Variants in GABARAPL2 observed in about 807,000 individuals in gnomAD.
The protein encoded by GABARAPL2 is gamma-aminobutyric acid receptor-associated protein-like 2.
A neutral mutation model predicts 16.9 loss-of-function variants in GABARAPL2; 11 were observed. The observed-to-expected ratio is 0.65, with a 90% confidence interval of 0.41 to 1.08. The LOEUF is 1.08. Ranked by LOEUF, GABARAPL2 falls within the 50% of genes least tolerant of loss-of-function variation. The probability of loss-of-function intolerance (pLI) is 0.00; values close to 1 mark genes in which losing one functional copy is unlikely to be tolerated. For synonymous variants in GABARAPL2, 57 were observed against 50.7 expected, an observed-to-expected ratio of 1.12 and a Z score of -0.53; for missense variants, 134 against 142.5, an observed-to-expected ratio of 0.94 and a Z score of 0.30.
At position 75,567,013 on chromosome 16, in the gene GABARAPL2, G is replaced by C. The variant is rs538606117; in HGVS notation, c.90+106G>C. 48 of 994,278 alleles carry C rather than the reference G, an allele frequency of 4.8e-5. 2 individuals are homozygous for C. In the South Asian group the frequency reaches 5.1e-4, roughly 11 times the overall value. The allele number at this position is 994,278 out of a possible 1,614,324, so 61.6% of individuals were successfully genotyped here. On this transcript the variant is annotated intron_variant, in intron 2 of 3. Coordinates refer to ENST00000037243, the MANE Select transcript of GABARAPL2 (RefSeq NM_007285.7). The stretch of plus-strand genomic sequence containing the variant: ...TTGACAAGTTGAGGTTCCAGTCCCA[G>C]TTACAGTAGCTGACGGGCCAGACCG...
chr16:75,566,424 T>G lies in GABARAPL2; in HGVS notation c.-63T>G. On this transcript the variant is annotated 5_prime_UTR_variant, in exon 1 of 4. Coordinates refer to ENST00000037243, the MANE Select transcript of GABARAPL2 (RefSeq NM_007285.7). ...CTGCCGCTGCCGCCGTCGTTGTTGT[T>G]GTGCTCGGTGCGCTGAGCTCCGCGG... 1.6e-6 allele frequency: 2 copies of G among 1,282,686 alleles called. No homozygotes were observed. The highest frequency in any genetic ancestry group is 2.2e-6 in the Non-Finnish European group (2 of 895,200). 79.5% of individuals were successfully genotyped at this position (1,282,686 alleles called of 1,614,324 possible). A position where few individuals can be genotyped will look rare whatever the true frequency, so the allele number is the denominator to read the frequency against.
Position 75,568,506 on chromosome 16 carries a change from A to C in GABARAPL2, c.263+297A>C, listed in dbSNP as rs539554938. The C allele has an allele frequency of 1.3e-4, 27 of 210,368 alleles. 1 individual carries two copies. In the South Asian group the frequency reaches 3.6e-3, roughly 28 times the overall value. The allele number at this position is 210,368 out of a possible 1,614,324, so 13.0% of individuals were successfully genotyped here. On this transcript the variant is annotated intron_variant, in intron 3 of 3. Transcript: ENST00000037243. ...TTATTTAGTCTTAAGCTATAGGTAG[A>C]ACTGAGGCCTGAAATGAGGTTTTCT...
intron 3 of GABARAPL2, chr16:75,576,151 T>C (rs1223460663): frequency 6.6e-6 from 1 of 152,124 alleles, no homozygotes; most frequent in Non-Finnish European, 1.5e-5. Context: ...TGATGACAGG[T>C]TCTTTCATAT....
At chr16:75,571,845 T>C (rs1034052398) in intron 3 of GABARAPL2, among the ~76,000 whole-genome samples, 18 of 151,684 alleles carry the variant, frequency 1.2e-4, no homozygotes, top group African/African-American at 4.4e-4. Context: ...CCGGCTACTT[T>C]TTTTGTATTT....
chr16:75,573,139 G>C (rs1467029683), intron 3 of GABARAPL2, among the ~76,000 whole-genome samples: 1 of 152,258 alleles, frequency 6.6e-6, no homozygotes, highest in African/African-American at 2.4e-5. Flanking sequence ...TAACTTCTCA[G>C]AGGTTTATGG....
chr16:75,569,809 T>A (rs563933394), intron 3 of GABARAPL2, among the ~76,000 whole-genome samples: 1 of 152,154 alleles, frequency 6.6e-6, no homozygotes, highest in South Asian at 2.1e-4. Context: ...AGAAATAGAA[T>A]TGGAAATGAA....
chr16:75,570,829 A>T (rs2080910072), intron 3 of GABARAPL2, among the ~76,000 whole-genome samples: 1 of 152,212 alleles, frequency 6.6e-6, no homozygotes, highest in South Asian at 2.1e-4. Context: ...TGGAAAGTTG[A>T]ATTCTCTGCC....
At position 75,577,467 on chromosome 16, in the gene GABARAPL2, A is replaced by G. The variant is rs2080956984; in HGVS notation, c.*98A>G. The G allele has an allele frequency of 5.4e-6, 4 of 737,076 alleles. No homozygotes were observed. The highest frequency in any genetic ancestry group is 5.2e-5 in the African/African-American group (3 of 57,398). The allele number at this position is 737,076 out of a possible 1,614,324, so 45.7% of individuals were successfully genotyped here. On this transcript the variant is annotated 3_prime_UTR_variant, in exon 4 of 4. Transcript: ENST00000037243. ...TACCAGAACCTCTTCACATAGACCT[A>G]TTAGTGCATTTGTAACTGGATTTAT...
chr16:75,566,578 C>T (rs2080884146), intron 1 of GABARAPL2, 58 bp downstream of exon 1: 6 of 1,584,684 alleles, frequency 3.8e-6, no homozygotes, highest in East Asian at 4.6e-5. Context: ...TGGGCCCCCT[C>T]CCCCACTCGG....
intron 3 of GABARAPL2, among the ~76,000 whole-genome samples, chr16:75,573,131 A>T (rs8060972): frequency 0.23 from 34,535 of 152,196 alleles, 5,706 homozygotes; most frequent in East Asian, 0.76. Context: ...GGGAAGTTTA[A>T]CTTCTCAGAG....
chr16:75,567,778 G>T (rs977743854), intron 2 of GABARAPL2, among the ~76,000 whole-genome samples: 2 of 152,188 alleles, frequency 1.3e-5, no homozygotes, highest in Admixed American at 1.3e-4. Context: ...CAGATAAAAT[G>T]TGGAAAAGCT....
chr16:75,575,184 T>G (rs2080940461), intron 3 of GABARAPL2, among the ~76,000 whole-genome samples: 1 of 152,148 alleles, frequency 6.6e-6, no homozygotes, highest in Admixed American at 6.5e-5. Flanking sequence ...CTCTACCCAC[T>G]GCCCCCTAAG....
At chr16:75,571,656 T>A (rs2080915123) in intron 3 of GABARAPL2, among the ~76,000 whole-genome samples, 1 of 151,054 alleles carries the variant, frequency 6.6e-6, no homozygotes, top group Non-Finnish European at 1.5e-5. Context: ...GGTAAATACC[T>A]CTTTAAGGAC....
rs1198859844 is a variant in GABARAPL2, at chr16:75,566,415, CGTT to C, written c.-63_-61del. 104 of 1,172,004 alleles carry C rather than the reference CGTT, an allele frequency of 8.9e-5. 1 individual carries two copies. Among genetic ancestry groups the C allele is most frequent in the South Asian group, 3.9e-4 (30 of 77,852 alleles). The allele number at this position is 1,172,004 out of a possible 1,614,324, so 72.6% of individuals were successfully genotyped here. A position where few individuals can be genotyped will look rare whatever the true frequency, so the allele number is the denominator to read the frequency against. On this transcript the variant is annotated 5_prime_UTR_variant, in exon 1 of 4. Transcript: ENST00000037243. ...TCGCTGCCGCTGCCGCTGCCGCCGTCGTTGTTGTTGTGCTCGGTGCGCTGAGCT... is the reference window on the plus strand; with the variant it reads ...TCGCTGCCGCTGCCGCTGCCGCCGTCGTTGTTGTGCTCGGTGCGCTGAGCT...
chr16:75,577,872 T>C lies in GABARAPL2; in HGVS notation c.*503T>C, dbSNP rs2080959262. On this transcript the variant is annotated 3_prime_UTR_variant, in exon 4 of 4. Coordinates refer to ENST00000037243, the MANE Select transcript of GABARAPL2 (RefSeq NM_007285.7). The stretch of plus-strand genomic sequence containing the variant: ...AAATAATTAACAATAAAAATTCTCT[T>C]ATAAAGGCATTGTACTGTGGCCATG... 1.3e-5 allele frequency: 2 copies of C among 155,028 alleles called. No individual in the cohort carries two copies. Among genetic ancestry groups the C allele is most frequent in the Admixed American group, 6.4e-5 (1 of 15,704 alleles). The allele number at this position is 155,028 out of a possible 1,614,324, so 9.6% of individuals were successfully genotyped here. A position where few individuals can be genotyped will look rare whatever the true frequency, so the allele number is the denominator to read the frequency against.
At chr16:75,567,880 C>G (rs1315336786) in intron 2 of GABARAPL2, among the ~76,000 whole-genome samples, 157 bp from the exon 3 acceptor site, 1 of 152,194 alleles carries the variant, frequency 6.6e-6, no homozygotes, top group Non-Finnish European at 1.5e-5. Flanking sequence ...TCTTAACCTC[C>G]AGAGCGTGTG....
chr16:75,577,040 T>C (rs1409860614), intron 3 of GABARAPL2: 2 of 408,822 alleles, frequency 4.9e-6, no homozygotes, highest in South Asian at 6.5e-5. Flanking sequence ...CAAAGCCCCC[T>C]GAAGGAGCTG....
chr16:75,575,910 T>A (rs1597061516), intron 3 of GABARAPL2: 1 of 152,342 alleles, frequency 6.6e-6, no homozygotes, highest in East Asian at 1.9e-4. Flanking sequence ...TTTTGCTGCA[T>A]TTTCATACTA....
At chr16:75,567,294 C>G (rs116246244) in intron 2 of GABARAPL2, among the ~76,000 whole-genome samples, 1 of 152,190 alleles carries the variant, frequency 6.6e-6, no homozygotes, top group Non-Finnish European at 1.5e-5. Context: ...TACTTTGTCT[C>G]CATCTTTACC....
Sources: gnomAD v4.1 joint callset for allele counts (sites outside exome capture counted in the v4.1 genomes callset) on GRCh38, gnomAD v4.1.1 for gene constraint, MANE v1.5 for transcripts, NCBI Gene and HGNC (gene_info 2026-07-23, HGNC 2026-07-21) for gene names.